NDRG1: variants seen among roughly 807,000 people sequenced by gnomAD.
NDRG1 encodes protein NDRG1.
Under a neutral mutation model 56.9 loss-of-function variants are expected in NDRG1, and 32 were observed. The observed-to-expected ratio is 0.56, with a 90% CI of 0.42 to 0.76. The LOEUF is 0.76. Ranked by LOEUF, NDRG1 falls within the 30% of genes least tolerant of loss-of-function variation. The pLI is 0.00. For missense variants in NDRG1, 507 were observed against 545.7 expected (o/e 0.93, Z 0.71); for synonymous variants, 211 against 204.1 (o/e 1.03, Z -0.29).
chr8:133,275,604 T>C (rs1857414546), intron 3 of NDRG1, among the ~76,000 whole-genome samples: 1 of 152,136 alleles, frequency 6.6e-6, no homozygotes, highest in Non-Finnish European at 1.5e-5. Context: ...CCCTATCCCA[T>C]CACCTGGCTC....
chr8:133,277,714 AG>A (rs1387622446), intron 3 of NDRG1, among the ~76,000 whole-genome samples: 1 of 152,246 alleles, frequency 6.6e-6, no homozygotes, highest in Non-Finnish European at 1.5e-5. Context: ...TTTCCACAAC[AG>A]CAAAAATAAT....
intron 9 of NDRG1, among the ~76,000 whole-genome samples, chr8:133,252,023 G>A (rs1054167200): frequency 6.6e-5 from 10 of 152,212 alleles, no homozygotes; most frequent in African/African-American, 2.2e-4. Context: ...AGCCTGTGGC[G>A]GAGGGGCGGC....
chr8:133,277,843 C>CA (rs1040958207), intron 3 of NDRG1, among the ~76,000 whole-genome samples: 3 of 152,150 alleles, frequency 2.0e-5, no homozygotes, highest in African/African-American at 7.2e-5. Flanking sequence ...CACCACTTAA[C>CA]AAGCCTGGAG....
intron 15 of NDRG1, chr8:133,239,498 C>A: frequency 2.8e-6 from 1 of 363,592 alleles, no homozygotes; most frequent in Non-Finnish European, 5.2e-6. Flanking sequence ...ACGCCCATGA[C>A]CCCATGCTGT....
chr8:133,249,934 G>A (rs1855919258), intron 10 of NDRG1, among the ~76,000 whole-genome samples: 2 of 152,198 alleles, frequency 1.3e-5, no homozygotes, highest in Admixed American at 1.3e-4. Context: ...CAATGGCCCT[G>A]AGCTGTCTCC....
At chr8:133,264,827 G>A in intron 3 of NDRG1, 175 bp from the exon 4 acceptor site, 1 of 654,460 alleles carries the variant, frequency 1.5e-6, no homozygotes, top group Admixed American at 2.2e-5. Flanking sequence ...CCAAGGACCA[G>A]GGCTAGGAGG....
At chr8:133,252,123 C>T (rs924526357) in intron 9 of NDRG1, among the ~76,000 whole-genome samples, 3 of 152,154 alleles carry the variant, frequency 2.0e-5, no homozygotes, top group African/African-American at 7.2e-5. Context: ...GAGACAGAGT[C>T]TCCCTCTGTC....
chr8:133,252,911 T>C (rs2130707672), intron 9 of NDRG1, among the ~76,000 whole-genome samples: 1 of 152,146 alleles, frequency 6.6e-6, no homozygotes, highest in Non-Finnish European at 1.5e-5. Context: ...GGGGCCTCTA[T>C]TCCCCTGGTA....
At chr8:133,289,351 T>C (rs1445075674) in intron 1 of NDRG1, among the ~76,000 whole-genome samples, 1 of 152,274 alleles carries the variant, frequency 6.6e-6, no homozygotes, top group East Asian at 1.9e-4. Flanking sequence ...ATCAACATAC[T>C]TTCCTTTCAG....
chr8:133,242,218 AAAGT>A lies in NDRG1; in HGVS notation c.892-148_892-145del, dbSNP rs200823768. 1.6e-3 allele frequency: 1,342 copies of A among 815,008 alleles called. 10 individuals are homozygous for A. The African/African-American group carries it at 0.02, about 12-fold the overall frequency. The allele number at this position is 815,008 out of a possible 1,614,324, so 50.5% of individuals were successfully genotyped here. On this transcript the variant is annotated intron_variant, in intron 14 of 15. Coordinates refer to ENST00000323851, the MANE Select transcript of NDRG1 (RefSeq NM_006096.4). ...TCACGTGTTGACAGGACAAAACACAAAAGTAAGAGTATGGGACAATGATGGGAAA... is the reference window on the plus strand; with the variant it reads ...TCACGTGTTGACAGGACAAAACACAAAAGAGTATGGGACAATGATGGGAAA...
At chr8:133,277,431 C>T (rs954871791) in intron 3 of NDRG1, among the ~76,000 whole-genome samples, 2 of 152,012 alleles carry the variant, frequency 1.3e-5, no homozygotes, top group Non-Finnish European at 2.9e-5. Context: ...GGTGTGGTGG[C>T]GGGCACCTGT....
In NDRG1 at chr8:133,238,956, C is replaced by T. The variant is rs577399876; in HGVS notation, c.1107G>A (p.Gly369=). The change falls in exon 16 of 16, where the codon GGG becomes GGA. Residue 369 remains glycine, a synonymous_variant. Transcript: ENST00000323851. ...GTRSRSHTSE[G]AHLDITPNSG... is the part of the protein sequence containing the mutation. ...AGTTGGGGGTGATGTCCAGGTGGGC[C>T]CCCTCGCTGGTGTGCGAGCGGCTGC... 3 of 1,578,452 alleles carry T rather than the reference C, an allele frequency of 1.9e-6. No individual in the cohort carries two copies. In the African/African-American group the frequency reaches 4.0e-5, roughly 21 times the overall value.
chr8:133,267,063 G>C (rs1268777104), intron 3 of NDRG1, among the ~76,000 whole-genome samples: 1 of 152,154 alleles, frequency 6.6e-6, no homozygotes, highest in African/African-American at 2.4e-5. Flanking sequence ...GAGTGCAGGG[G>C]TTCCCGACAC....
chr8:133,264,919 G>A (rs754830176), intron 3 of NDRG1: 13 of 512,962 alleles, frequency 2.5e-5, no homozygotes, highest in East Asian at 3.6e-5. Flanking sequence ...GGGCTTGCCC[G>A]CCACCATCTC....
intron 3 of NDRG1, among the ~76,000 whole-genome samples, chr8:133,273,100 C>G (rs1857276615): frequency 6.6e-6 from 1 of 152,208 alleles, no homozygotes; most frequent in South Asian, 2.1e-4. Flanking sequence ...GCCCCAGCCC[C>G]CTCCACCACT....
chr8:133,254,504 C>A lies in NDRG1; in HGVS notation c.594+35G>T, dbSNP rs578259617. On this transcript the variant is annotated intron_variant, in intron 9 of 15. Coordinates refer to ENST00000323851, the MANE Select transcript of NDRG1 (RefSeq NM_006096.4). Reference sequence around the variant, plus strand: ...GAGCACCACACAATGCCTTGCTCAGCAGGAACAACAGATTTGCCAGACCAC... The same window carrying A: ...GAGCACCACACAATGCCTTGCTCAGAAGGAACAACAGATTTGCCAGACCAC... 41 of 1,612,704 alleles carry A rather than the reference C, an allele frequency of 2.5e-5. No individual in the cohort carries two copies. In the East Asian group the frequency reaches 7.4e-4, roughly 29 times the overall value.
chr8:133,247,757 A>G (rs1855766953), intron 12 of NDRG1, 118 bp downstream of exon 12: 1 of 1,128,860 alleles, frequency 8.9e-7, no homozygotes. Context: ...CATTTCAAAA[A>G]ACATCACCTG....
At chr8:133,260,839 C>G (rs562708249) in intron 5 of NDRG1, among the ~76,000 whole-genome samples, 3 of 152,152 alleles carry the variant, frequency 2.0e-5, no homozygotes, top group Non-Finnish European at 2.9e-5. Context: ...AGAACCTGCT[C>G]CTGCCCTAGT....
rs1397415354 is a variant in NDRG1 at position 133,238,022 on chromosome 8, A to G, written c.*856T>C. 2 of 233,098 alleles carry G rather than the reference A, an allele frequency of 8.6e-6. No homozygotes were observed. The highest frequency in any genetic ancestry group is 1.7e-5 in the Non-Finnish European group (2 of 117,948). 14.4% of individuals were successfully genotyped at this position (233,098 alleles called of 1,614,324 possible). A position where few individuals can be genotyped will look rare whatever the true frequency, so the allele number is the denominator to read the frequency against. ...CTCCATTCTAAGGAATGCAAAACAA[A>G]TCTAAATGATCTTCTCCCTGAACAA... On this transcript the variant is annotated 3_prime_UTR_variant, in exon 16 of 16. Transcript: ENST00000323851.
Sources: gnomAD v4.1 joint callset for allele counts (sites outside exome capture counted in the v4.1 genomes callset) on GRCh38, gnomAD v4.1.1 for gene constraint, MANE v1.5 for transcripts, NCBI Gene and HGNC (gene_info 2026-07-23, HGNC 2026-07-21) for gene names.